PPP6R1: variants seen among roughly 807,000 people sequenced by gnomAD.
PPP6R1 encodes the protein serine/threonine-protein phosphatase 6 regulatory subunit 1.
Under a neutral mutation model 104.6 loss-of-function variants are expected in PPP6R1, and 39 were observed. The ratio of observed to expected loss-of-function variants is 0.37; its 90% confidence interval spans 0.29 to 0.49. PPP6R1 has a LOEUF of 0.49. PPP6R1 is among the 20% of genes least tolerant of loss of function. The pLI is 0.98. For synonymous variants in PPP6R1, 549 were observed against 479.0 expected, an observed-to-expected ratio of 1.15 and a Z score of -1.91; for missense variants, 1,181 against 1,155.8, an observed-to-expected ratio of 1.02 and a Z score of -0.32.
chr19:55,244,675 T>C (rs1259843320), intron 5 of PPP6R1, among the ~76,000 whole-genome samples: 2 of 152,184 alleles, frequency 1.3e-5, no homozygotes, highest in Non-Finnish European at 2.9e-5. Flanking sequence ...TGAGTCAAGT[T>C]TCTTTCCTTT....
Position 55,252,298 on chromosome 19 carries a change from C to T in PPP6R1, c.-6-5189G>A, listed in dbSNP as rs562300676. Among the ~76,000 whole-genome samples, 243 of 152,130 alleles carry T rather than the reference C, an allele frequency of 1.6e-3. 2 individuals are homozygous for T. The highest frequency in any genetic ancestry group is 4.4e-3 in the African/African-American group (184 of 41,488). On this transcript the variant is annotated intron_variant, in intron 1 of 23. Transcript: ENST00000412770. ...AGCCTGGAGTGCAGTGGCGCGATCTCGGCTCACCGCAACCTCCAGCTCCTG... is the reference window on the plus strand; with the variant it reads ...AGCCTGGAGTGCAGTGGCGCGATCTTGGCTCACCGCAACCTCCAGCTCCTG...
Position 55,245,770 on chromosome 19 carries a change from G to C in PPP6R1, c.228-92C>G, listed in dbSNP as rs1472975265. The C allele has an allele frequency of 5.5e-6, 6 of 1,090,620 alleles. No individual in the cohort carries two copies. In the East Asian group the frequency reaches 7.6e-5, roughly 14 times the overall value. 67.6% of individuals were successfully genotyped at this position (1,090,620 alleles called of 1,614,324 possible). ...CACCCTCTTCTCTGCACCGGGCACTGGGTTTCTGGGAACTGCAGAGACCCC... is the reference window on the plus strand; with the variant it reads ...CACCCTCTTCTCTGCACCGGGCACTCGGTTTCTGGGAACTGCAGAGACCCC... On this transcript the variant is annotated intron_variant, in intron 2 of 23. Transcript: ENST00000412770. The surrounding 1 kb of genome is among the most constrained non-coding windows in gnomAD (Gnocchi z 6.4).
rs144499950 is a variant in PPP6R1, at chr19:55,254,024, C to T, written c.-7+4411G>A. 1.3e-3 allele frequency among the ~76,000 whole-genome samples: 193 copies of T among 152,346 alleles called. 5 individuals carry two copies. In the East Asian group the frequency reaches 0.025, roughly 20 times the overall value. On this transcript the variant is annotated intron_variant, in intron 1 of 23. Transcript: ENST00000412770. ...CTCTTCCGGTCCAACCCTGAGGCCA[C>T]GTCCAGATGCTTTCTGGCAGGACAG...
At chr19:55,228,887 C>T, downstream of PPP6R1, 1 of 822,436 alleles carries the variant, frequency 1.2e-6, no homozygotes, top group South Asian at 1.6e-5. Context: ...GTTGTCCTCA[C>T]CCTGGGGATG....
At chr19:55,228,724 C>A, downstream of PPP6R1, 5 of 1,613,264 alleles carry the variant, frequency 3.1e-6, no homozygotes, top group Non-Finnish European at 4.2e-6. Context: ...GGGTCTGCCC[C>A]GCTTTGCCAG....
chr19:55,236,809 G>C lies in PPP6R1; in HGVS notation c.1822C>G (p.Leu608Val), dbSNP rs1243640276. ...NADDENPNAN[L>V]LEICYKDRIQ... Reference sequence around the variant, plus strand: ...CGGTCCTTGTAGCATATCTCAAGTAGGTTGGCGTTGGGCTGCAGGGCACAG... The same window carrying C: ...CGGTCCTTGTAGCATATCTCAAGTACGTTGGCGTTGGGCTGCAGGGCACAG... The change falls in exon 17 of 24, where the codon CTA becomes GTA. Residue 608 changes from leucine to valine, a missense_variant. This residue lies in a region of PPP6R1 where 1,042 missense variants were observed against 955.6 expected (regional missense o/e 1.09). Coordinates refer to ENST00000412770, the MANE Select transcript of PPP6R1 (RefSeq NM_014931.4). 1 of 1,613,922 alleles carries C rather than the reference G, an allele frequency of 6.2e-7. No individual in the cohort carries two copies. The highest frequency in any genetic ancestry group is 8.5e-7 in the Non-Finnish European group (1 of 1,179,832).
chr19:55,240,935 C>T lies in PPP6R1; in HGVS notation c.1296+10G>A, dbSNP rs779873115. ...CCCAGAAGGAGGGGGACCAGGGAGT[C>T]CCAGCTCACATGTTTCACAACAGGG... On this transcript the variant is annotated intron_variant, in intron 10 of 23. Coordinates refer to ENST00000412770, the MANE Select transcript of PPP6R1 (RefSeq NM_014931.4). 1 of 1,603,620 alleles carries T rather than the reference C, an allele frequency of 6.2e-7. No individual in the cohort carries two copies. The highest frequency in any genetic ancestry group is 1.1e-5 in the South Asian group (1 of 88,506).
In PPP6R1 at chr19:55,231,855, G is replaced by A. The variant is rs1230062885; in HGVS notation, c.2253C>T (p.Gly751=). ...APQGPLSVPQ[G]LPTQSLASPP... ...GGCTGGCCAGGCTCTGAGTGGGGAG[G>A]CCCTGGGGCACACTGAGGGGCCCCT... Residue 751 remains glycine (G), a synonymous_variant, in exon 19 of 24, where the codon GGC becomes GGT. Coordinates refer to ENST00000412770, the MANE Select transcript of PPP6R1 (RefSeq NM_014931.4). 1 of 1,503,504 alleles carries A rather than the reference G, an allele frequency of 6.7e-7. No individual in the cohort carries two copies. Among genetic ancestry groups the A allele is most frequent in the Non-Finnish European group, 8.9e-7 (1 of 1,126,984 alleles). The allele number at this position is 1,503,504 out of a possible 1,614,324, so 93.1% of individuals were successfully genotyped here.
rs892361492 is a variant in PPP6R1, at chr19:55,230,319, G to A, written c.*209C>T. ...GACTCTCTGTATCTTTATTCTAGGA[G>A]GCAACGCTCCAAAACTTCTCTTCTC... On this transcript the variant is annotated 3_prime_UTR_variant, in exon 24 of 24. Coordinates refer to ENST00000412770, the MANE Select transcript of PPP6R1 (RefSeq NM_014931.4). The A allele has an allele frequency of 6.5e-6, 4 of 619,608 alleles. No homozygotes were observed. Among genetic ancestry groups the A allele is most frequent in the Non-Finnish European group, 1.1e-5 (4 of 353,216 alleles). 38.4% of individuals were successfully genotyped at this position (619,608 alleles called of 1,614,324 possible).
chr19:55,254,242 A>G (rs2087575675), intron 1 of PPP6R1, among the ~76,000 whole-genome samples: 2 of 152,204 alleles, frequency 1.3e-5, no homozygotes, highest in Admixed American at 1.3e-4. Context: ...AGTGACTACC[A>G]CTAGTTTTTA....
intron 5 of PPP6R1, among the ~76,000 whole-genome samples, chr19:55,244,489 GA>G (rs1455679577): frequency 1.3e-5 from 2 of 152,188 alleles, no homozygotes; most frequent in African/African-American, 4.8e-5. Flanking sequence ...AGGAGACAGG[GA>G]AAAAGCTGCC....
At position 55,230,695 on chromosome 19, in the gene PPP6R1, A is replaced by G. The variant is rs769210483; in HGVS notation, c.2571-11T>C. ...GTGAGGGCCTGGGCACTGTCAGGGG[A>G]GAGAGGGGATGTGCAGAGGTCACTT... On this transcript the variant is annotated splice_polypyrimidine_tract_variant and intron_variant, in intron 22 of 23. Coordinates refer to ENST00000412770, the MANE Select transcript of PPP6R1 (RefSeq NM_014931.4). The G allele has an allele frequency of 1.3e-6, 2 of 1,575,868 alleles. No homozygotes were observed. Among genetic ancestry groups the G allele is most frequent in the South Asian group, 2.3e-5 (2 of 86,292 alleles).
chr19:55,240,642 CGCTT>C (rs66727894), intron 10 of PPP6R1, among the ~76,000 whole-genome samples: 38,045 of 151,792 alleles, frequency 0.25, 5,713 homozygotes, highest in Middle Eastern at 0.34. Context: ...CTCTCACACA[CGCTT>C]GCACTGACAC....
At chr19:55,230,738 A>ACCCGCCCC in intron 22 of PPP6R1, 36 bp downstream of exon 22, 1 of 925,650 alleles carries the variant, frequency 1.1e-6, no homozygotes, top group Non-Finnish European at 1.6e-6. Flanking sequence ...CACCAGCCCC[A>ACCCGCCCC]CCCCCACCCC....
intron 17 of PPP6R1, among the ~76,000 whole-genome samples, chr19:55,235,521 T>TC (rs2087389180): frequency 6.8e-6 from 1 of 147,106 alleles, no homozygotes; most frequent in African/African-American, 2.6e-5. Flanking sequence ...TTAGATTCCT[T>TC]TTTTTTTTTT....
At chr19:55,257,807 C>T (rs2087605089) in intron 1 of PPP6R1, among the ~76,000 whole-genome samples, 1 of 152,248 alleles carries the variant, frequency 6.6e-6, no homozygotes, top group African/African-American at 2.4e-5. Flanking sequence ...GGCTGATGCC[C>T]CCTCCTCGGT....
chr19:55,258,221 C>T (rs2087609503), intron 1 of PPP6R1, among the ~76,000 whole-genome samples: 1 of 151,926 alleles, frequency 6.6e-6, no homozygotes, highest in Non-Finnish European at 1.5e-5. Flanking sequence ...AGGGTGGCGG[C>T]GGAGCTGAGG....
At position 55,239,387 on chromosome 19, in the gene PPP6R1, T is replaced by C. The variant is rs775515043; in HGVS notation, c.1751+18A>G. ...CAGAGGCAGGACAGGGCTGTGACCCTGCGCAGGAGACACTCACTTCACACT... is the reference window on the plus strand; with the variant it reads ...CAGAGGCAGGACAGGGCTGTGACCCCGCGCAGGAGACACTCACTTCACACT... On this transcript the variant is annotated intron_variant, in intron 15 of 23. Coordinates refer to ENST00000412770, the MANE Select transcript of PPP6R1 (RefSeq NM_014931.4). 3 of 1,604,144 alleles carry C rather than the reference T, an allele frequency of 1.9e-6. No individual in the cohort carries two copies. The South Asian group carries it at 3.3e-5, about 18-fold the overall frequency.
chr19:55,231,319 C>G, intron 21 of PPP6R1, 91 bp downstream of exon 21: 1 of 1,415,492 alleles, frequency 7.1e-7, no homozygotes, highest in Non-Finnish European at 9.7e-7. Context: ...AGGCCTGGAG[C>G]AGCTCAGGGA....
Sources: gnomAD v4.1 joint callset for allele counts (sites outside exome capture counted in the v4.1 genomes callset) on GRCh38, gnomAD v4.1.1 for gene constraint, gnomAD v4.1.1 regional missense constraint, Gnocchi (gnomAD v3.1) non-coding constraint, MANE v1.5 for transcripts, NCBI Gene and HGNC (gene_info 2026-07-23, HGNC 2026-07-21) for gene names.